Variants in TFIP11 observed in about 807,000 individuals in gnomAD.
TFIP11 encodes the protein tuftelin-interacting protein 11.
Under a neutral mutation model 96.8 loss-of-function variants are expected in TFIP11, and 86 were observed. The observed-to-expected ratio is 0.89, with a 90% CI of 0.75 to 1.06. The LOEUF (loss-of-function observed/expected upper bound fraction) is 1.06, where lower values mean the gene tolerates loss of function less well. Among genes scored for constraint, TFIP11 ranks in the 50% least tolerant of loss-of-function variants. TFIP11 has a pLI of 0.00. For synonymous variants in TFIP11, 405 were observed against 395.2 expected, an observed-to-expected ratio of 1.02 and a Z score of -0.29; for missense variants, 881 against 1,076.7, an observed-to-expected ratio of 0.82 and a Z score of 2.54.
At chr22:26,509,568 C>G (rs778456185) in intron 4 of TFIP11, among the ~76,000 whole-genome samples, 30 of 152,136 alleles carry the variant, frequency 2.0e-4, no homozygotes, top group Non-Finnish European at 4.1e-4. Flanking sequence ...ATAATTAAAT[C>G]AGTGAGGCCA....
intron 6 of TFIP11, 139 bp downstream of exon 6, chr22:26,506,164 C>A: frequency 3.6e-6 from 3 of 842,842 alleles, no homozygotes; most frequent in South Asian, 5.2e-5. Context: ...AGCTTAGGAA[C>A]GCAAATGTCT....
At chr22:26,494,678 A>G in intron 13 of TFIP11, 119 bp downstream of exon 13, 1 of 1,405,460 alleles carries the variant, frequency 7.1e-7, no homozygotes, top group Non-Finnish European at 9.7e-7. Flanking sequence ...ACTCATTCCT[A>G]CCCTACCATG....
At position 26,499,241 on chromosome 22, in the gene TFIP11, C is replaced by T. The variant is rs1398104180; in HGVS notation, c.1192G>A (p.Asp398Asn). 6.2e-7 allele frequency: 1 copy of T among 1,614,032 alleles called. No individual in the cohort carries two copies. Among genetic ancestry groups the T allele is most frequent in the Non-Finnish European group, 8.5e-7 (1 of 1,179,974 alleles). ...QPDCSNPLTLDECARIFETLQ... is the reference protein window; with the variant it reads ...QPDCSNPLTLNECARIFETLQ... Reference sequence around the variant, plus strand: ...GTTTCGAAGATGCGGGCACACTCGTCCAGGGTGAGGGGGTTGCTGCAGTCG... The same window carrying T: ...GTTTCGAAGATGCGGGCACACTCGTTCAGGGTGAGGGGGTTGCTGCAGTCG... Residue 398 changes from aspartate (D) to asparagine (N), a missense_variant, in exon 9 of 15, where the codon GAC becomes AAC. Asp to Asn is a conservative substitution (Grantham distance 23). Transcript: ENST00000407690.
chr22:26,501,117 G>T (rs553903207), intron 8 of TFIP11, among the ~76,000 whole-genome samples: 94 of 152,226 alleles, frequency 6.2e-4, no homozygotes, highest in African/African-American at 2.1e-3. Flanking sequence ...TCCTGACCTT[G>T]TGATCTGCCC....
rs1476611667 is a variant in TFIP11, at chr22:26,512,090, G to A, written c.-96+9C>T. 1 of 152,194 alleles carries A rather than the reference G, an allele frequency of 6.6e-6. No individual in the cohort carries two copies. Among genetic ancestry groups the A allele is most frequent in the Non-Finnish European group, 1.5e-5 (1 of 68,050 alleles). The allele number at this position is 152,194 out of a possible 1,614,324, so 9.4% of individuals were successfully genotyped here. A position where few individuals can be genotyped will look rare whatever the true frequency, so the allele number is the denominator to read the frequency against. On this transcript the variant is annotated intron_variant, in intron 2 of 14. Coordinates refer to ENST00000407690, the MANE Select transcript of TFIP11 (RefSeq NM_012143.4). ...AGAAAAAGGAGGTTCAGAGAAGTTA[G>A]TAACTTACCCTAGGTTCCACTGCTC...
intron 14 of TFIP11, chr22:26,493,908 G>C (rs1055821757): frequency 2.0e-6 from 1 of 509,394 alleles, no homozygotes; most frequent in African/African-American, 1.9e-5. Flanking sequence ...TCCAGCTTAA[G>C]TCAGTCTCCA....
intron 4 of TFIP11, among the ~76,000 whole-genome samples, chr22:26,508,020 A>G (rs1431796791): frequency 2.0e-5 from 3 of 152,120 alleles, no homozygotes; most frequent in African/African-American, 7.2e-5. Flanking sequence ...ACGCATGAGA[A>G]ACGCTTGAAC....
intron 6 of TFIP11, 102 bp downstream of exon 6, chr22:26,506,201 T>TA: frequency 7.6e-7 from 1 of 1,314,798 alleles, no homozygotes; most frequent in Non-Finnish European, 1.0e-6. Context: ...GCTGGAGAGA[T>TA]AAAGTGCTTT....
Position 26,506,862 on chromosome 22 carries a change from C to A in TFIP11, c.276G>T (p.Glu92Asp), listed in dbSNP as rs781417649. The change falls in exon 5 of 15, where the codon GAG (glutamate) becomes GAT (aspartate). Residue 92 changes from glutamate (E) to aspartate (D), a missense_variant. Physicochemically the swap from Glu to Asp is conservative, Grantham distance 45 (BLOSUM62 2). Transcript: ENST00000407690. ...SAGLKKGAAEEAELEDSDDEE... is the reference protein window; with the variant it reads ...SAGLKKGAAEDAELEDSDDEE... ...CGTCATCAGAATCTTCCAACTCTGC[C>A]TCCTCCGCTGCCCCTTTCTTGAGCC... The A allele has an allele frequency of 1.2e-6, 2 of 1,614,184 alleles. No homozygotes were observed. Among genetic ancestry groups the A allele is most frequent in the South Asian group, 2.2e-5 (2 of 91,082 alleles).
At position 26,492,202 on chromosome 22, in the gene TFIP11, G is replaced by A. The variant is rs777063374; in HGVS notation, c.2325C>T (p.Asp775=). Residue 775 remains aspartate (D), a synonymous_variant, in exon 15 of 15, where the codon GAC becomes GAT. Coordinates refer to ENST00000407690, the MANE Select transcript of TFIP11 (RefSeq NM_012143.4). ...GCTCCTCAGCCTTGGTCTCAATGAG[G>A]TCCTTAAAGTTCATGGGCACAGAGC... ...AASSVPMNFK[D]LIETKAEEHN... 9.9e-6 allele frequency: 16 copies of A among 1,614,112 alleles called. No homozygotes were observed. The highest frequency in any genetic ancestry group is 9.9e-5 in the South Asian group (9 of 91,090).
rs1032637543 is a variant in TFIP11 at position 26,492,178 on chromosome 22, C to A, written c.2349G>T (p.Glu783Asp). Residue 783 changes from glutamate to aspartate, a missense_variant, in exon 15 of 15, where the codon GAG becomes GAT. Physicochemically the swap from Glu to Asp is conservative, Grantham distance 45. Transcript: ENST00000407690. Reference sequence around the variant, plus strand: ...TGACGGGCATGAAGACAATGTTGTGCTCCTCAGCCTTGGTCTCAATGAGGT... The same window carrying A: ...TGACGGGCATGAAGACAATGTTGTGATCCTCAGCCTTGGTCTCAATGAGGT... ...FKDLIETKAEEHNIVFMPVIG... is the reference protein window; with the variant it reads ...FKDLIETKAEDHNIVFMPVIG... 1.5e-5 allele frequency: 24 copies of A among 1,614,236 alleles called. No individual in the cohort carries two copies. Among genetic ancestry groups the A allele is most frequent in the Non-Finnish European group, 2.0e-5 (24 of 1,180,050 alleles).
At chr22:26,496,429 C>T (rs188943990) in intron 11 of TFIP11, 113 bp from the exon 12 acceptor site, 4 of 1,390,060 alleles carry the variant, frequency 2.9e-6, no homozygotes, top group African/African-American at 2.9e-5. Flanking sequence ...CTCTCTGAGG[C>T]CCACAGTCCT....
chr22:26,511,965 T>C (rs867285542), intron 2 of TFIP11, 134 bp downstream of exon 2: 1 of 152,212 alleles, frequency 6.6e-6, no homozygotes, highest in South Asian at 2.1e-4. Context: ...CCTTTATCAG[T>C]AGATGCTAGG....
intron 8 of TFIP11, among the ~76,000 whole-genome samples, chr22:26,501,489 G>T (rs1698851109): frequency 6.6e-6 from 1 of 151,880 alleles, no homozygotes; most frequent in Non-Finnish European, 1.5e-5. Flanking sequence ...TCTAACAACG[G>T]AGGTAGGATC....
Position 26,496,211 on chromosome 22 carries a change from G to A in TFIP11, c.1711C>T (p.Arg571Cys), listed in dbSNP as rs778652797. 1.7e-5 allele frequency: 27 copies of A among 1,613,874 alleles called. No individual in the cohort carries two copies. Among genetic ancestry groups the A allele is most frequent in the African/African-American group, 2.7e-5 (2 of 74,896 alleles). The change falls in exon 12 of 15, where the codon CGT (arginine) becomes TGT (cysteine). Residue 571 changes from arginine (R) to cysteine (C), a missense_variant. Arg to Cys is a radical substitution (Grantham distance 180). Transcript: ENST00000407690. ...TGCAGGGCGCTGGACAGCTTACTAC[G>A]GATGGGGGAATAGAGTGGCTCCAGC... ...ARLEPLYSPI[R>C]SKLSSALQKW...
At chr22:26,504,581 G>T (rs964868390) in intron 6 of TFIP11, among the ~76,000 whole-genome samples, 2 of 152,066 alleles carry the variant, frequency 1.3e-5, no homozygotes, top group Admixed American at 6.6e-5. Context: ...ACTTGGCAGG[G>T]TTGAGCCCAG....
chr22:26,508,084 T>C (rs894964712), intron 4 of TFIP11, among the ~76,000 whole-genome samples: 3 of 152,106 alleles, frequency 2.0e-5, no homozygotes, highest in Non-Finnish European at 2.9e-5. Flanking sequence ...CACTCCAGCT[T>C]GGGTAATAGA....
At chr22:26,492,452 G>A in intron 14 of TFIP11, 84 bp from the exon 15 acceptor site, 8 of 1,264,110 alleles carry the variant, frequency 6.3e-6, no homozygotes, top group Non-Finnish European at 7.9e-6. Context: ...CAGGTCTTGG[G>A]TGTGCCAGAG....
Position 26,499,262 on chromosome 22 carries a change from A to T in TFIP11, c.1171T>A (p.Cys391Ser). ...EECERRMQPD[C>S]SNPLTLDECA... is the part of the protein sequence containing the mutation. Reference sequence around the variant, plus strand: ...TCGTCCAGGGTGAGGGGGTTGCTGCAGTCGGGCTGCATCCGCCGCTCGCAC... The same window carrying T: ...TCGTCCAGGGTGAGGGGGTTGCTGCTGTCGGGCTGCATCCGCCGCTCGCAC... Residue 391 changes from cysteine to serine, a missense_variant, in exon 9 of 15, where the codon TGC becomes AGC. Physicochemically the swap from Cys to Ser is moderately radical, Grantham distance 112. Transcript: ENST00000407690. 6.2e-7 allele frequency: 1 copy of T among 1,613,912 alleles called. No individual in the cohort carries two copies. The highest frequency in any genetic ancestry group is 8.5e-7 in the Non-Finnish European group (1 of 1,179,892).
Sources: gnomAD v4.1 joint callset for allele counts (sites outside exome capture counted in the v4.1 genomes callset) on GRCh38, gnomAD v4.1.1 for gene constraint, MANE v1.5 for transcripts, NCBI Gene and HGNC (gene_info 2026-07-23, HGNC 2026-07-21) for gene names.